EPS15L1: variants seen among roughly 807,000 people sequenced by gnomAD.
EPS15L1 encodes epidermal growth factor receptor pathway substrate 15 like 1, also known as epidermal growth factor receptor substrate 15-like 1.
In EPS15L1, 43 loss-of-function variants were observed where a neutral mutation model predicts 117.1. The observed-to-expected ratio is 0.37, with a 90% CI of 0.29 to 0.47. The LOEUF (loss-of-function observed/expected upper bound fraction) is 0.47. Ranked by LOEUF, EPS15L1 falls within the 20% of genes least tolerant of loss-of-function variation. The pLI, the probability that EPS15L1 is intolerant of heterozygous loss-of-function variation, is 0.99. For synonymous variants in EPS15L1, 459 were observed against 470.5 expected (o/e 0.98, Z 0.32); for missense variants, 981 against 1,164.0 (o/e 0.84, Z 2.29).
intron 16 of EPS15L1, chr19:16,402,033 T>G: frequency 8.6e-7 from 1 of 1,160,756 alleles, no homozygotes. Flanking sequence ...ACTTGGGTGG[T>G]TGGCCCAATG....
chr19:16,432,404 T>C (rs1044449313), intron 7 of EPS15L1, among the ~76,000 whole-genome samples: 13 of 152,028 alleles, frequency 8.6e-5, no homozygotes, highest in African/African-American at 2.2e-4. Context: ...CCATCTCTAC[T>C]AAAAATATGA....
At chr19:16,451,210 C>T (rs2093138938) in intron 1 of EPS15L1, among the ~76,000 whole-genome samples, 1 of 152,176 alleles carries the variant, frequency 6.6e-6, no homozygotes, top group African/African-American at 2.4e-5. Flanking sequence ...CTCGGCCTCC[C>T]AAAGTGCTGG....
intron 1 of EPS15L1, among the ~76,000 whole-genome samples, chr19:16,460,764 T>A (rs1452266250): frequency 2.0e-5 from 3 of 152,146 alleles, no homozygotes; most frequent in Non-Finnish European, 4.4e-5. Flanking sequence ...TGCAAGAACA[T>A]GCGCCTAGGC....
Position 16,434,428 on chromosome 19 carries a change from G to A in EPS15L1, c.435C>T (p.Leu145=), listed in dbSNP as rs757790767. Residue 145 remains leucine, a synonymous_variant, in exon 7 of 24, where the codon CTC becomes CTT. Transcript: ENST00000455140. The part of the protein sequence containing the change: ...FESLLPINGL[L]SGDKVKPVLM... ...GGACTGGCTTGACTTTGTCTCCAGA[G>A]AGCAAACCATTGATGGGCAAGAGGC... 28 of 1,614,212 alleles carry A rather than the reference G, an allele frequency of 1.7e-5. No homozygotes were observed. Among genetic ancestry groups the A allele is most frequent in the South Asian group, 1.5e-4 (14 of 91,090 alleles).
intron 1 of EPS15L1, among the ~76,000 whole-genome samples, chr19:16,457,151 T>G (rs573670092): frequency 3.9e-5 from 6 of 152,214 alleles, no homozygotes; most frequent in African/African-American, 1.4e-4. Flanking sequence ...AAGGAGGACA[T>G]GCCAGTTCCC....
intron 16 of EPS15L1, chr19:16,401,060 C>T (rs1303471014): frequency 4.3e-5 from 42 of 985,208 alleles, no homozygotes; most frequent in South Asian, 3.3e-4. Flanking sequence ...TCTGGCTTCT[C>T]GTAACTCATG....
intron 7 of EPS15L1, among the ~76,000 whole-genome samples, chr19:16,429,693 T>A (rs541519168): frequency 6.6e-6 from 1 of 152,256 alleles, no homozygotes; most frequent in African/African-American, 2.4e-5. Context: ...GCCTGGCAGA[T>A]GGGGCCCTGT....
Position 16,395,417 on chromosome 19 carries a change from C to A in EPS15L1, c.1842G>T (p.Glu614Asp). 6.2e-7 allele frequency: 1 copy of A among 1,613,852 alleles called. No individual in the cohort carries two copies. The highest frequency in any genetic ancestry group is 1.1e-5 in the South Asian group (1 of 91,074). ...CTGTCTGGAAAGGATCCGGATGCAACTCTTGCGTGTTGTTGCTAAATAACA... is the reference window on the plus strand; with the variant it reads ...CTGTCTGGAAAGGATCCGGATGCAAATCTTGCGTGTTGTTGCTAAATAACA... ...KALLFSNNTQ[E>D]LHPDPFQTED... The change falls in exon 17 of 24, where the codon GAG becomes GAT. Residue 614 changes from glutamate to aspartate, a missense_variant. Glu to Asp is a conservative substitution (Grantham distance 45). Transcript: ENST00000455140.
At chr19:16,448,231 T>C (rs2093103453) in intron 1 of EPS15L1, among the ~76,000 whole-genome samples, 1 of 152,116 alleles carries the variant, frequency 6.6e-6, no homozygotes. Flanking sequence ...ATGTTTGCAC[T>C]GTGAAAGAGC....
At chr19:16,412,081 G>T (rs922333065) in intron 13 of EPS15L1, among the ~76,000 whole-genome samples, 6 of 151,982 alleles carry the variant, frequency 3.9e-5, no homozygotes, top group African/African-American at 1.5e-4. Context: ...ATATTGTATT[G>T]TTTCATCAAT....
intron 1 of EPS15L1, among the ~76,000 whole-genome samples, chr19:16,450,346 G>A (rs2093127625): frequency 6.6e-6 from 1 of 151,378 alleles, no homozygotes; most frequent in South Asian, 2.1e-4. Context: ...ACTCTCAGGG[G>A]TGGTTCTATT....
At chr19:16,437,099 A>G (rs777318672) in intron 5 of EPS15L1, 100 bp from the exon 6 acceptor site, 2 of 1,016,244 alleles carry the variant, frequency 2.0e-6, no homozygotes, top group Non-Finnish European at 3.1e-6. Context: ...TGCTTTCAAA[A>G]AAGGGAAGAC....
Position 16,471,969 on chromosome 19 carries a change from G to A in EPS15L1, c.-24C>T. 1 of 1,280,056 alleles carries A rather than the reference G, an allele frequency of 7.8e-7. No homozygotes were observed. The highest frequency in any genetic ancestry group is 9.9e-7 in the Non-Finnish European group (1 of 1,014,818). 79.3% of individuals were successfully genotyped at this position (1,280,056 alleles called of 1,614,324 possible). ...ATCTTCCCGCGGACTCGGGCTCCGA[G>A]CGCCGGGGGAACGGGGGCGGGGCTG... is the stretch of plus-strand genomic sequence containing the variant. On this transcript the variant is annotated 5_prime_UTR_variant, in exon 1 of 24. Coordinates refer to ENST00000455140, the MANE Select transcript of EPS15L1 (RefSeq NM_001258374.3). The surrounding 1 kb of genome is among the most constrained non-coding windows in gnomAD (Gnocchi z 4.8).
At chr19:16,427,889 G>A (rs543152572) in intron 8 of EPS15L1, among the ~76,000 whole-genome samples, 2 of 148,666 alleles carry the variant, frequency 1.3e-5, no homozygotes, top group East Asian at 2.0e-4. Flanking sequence ...GCAAGACTCC[G>A]TGTCAAAAAA....
chr19:16,456,543 G>T (rs955523674), intron 1 of EPS15L1, among the ~76,000 whole-genome samples: 1 of 152,038 alleles, frequency 6.6e-6, no homozygotes, highest in South Asian at 2.1e-4. Context: ...TGTAATCTCA[G>T]CTACTTGGGA....
In EPS15L1 at chr19:16,408,111, G is replaced by C. The variant is rs138732804; in HGVS notation, c.1267-3362C>G. ...CGGATGGGGTAGCTCTGGACACCAG[G>C]TAACAACAGTGTGGAACTGAAGGAA... On this transcript the variant is annotated intron_variant, in intron 13 of 23. Transcript: ENST00000455140. Among the ~76,000 whole-genome samples, 1,391 of 152,196 alleles carry C rather than the reference G, an allele frequency of 9.1e-3. 77 individuals carry two copies. Among genetic ancestry groups the C allele is most frequent in the Admixed American group, 0.079 (1,212 of 15,286 alleles).
chr19:16,440,718 G>A (rs1409094712), intron 4 of EPS15L1, 144 bp downstream of exon 4: 2 of 634,810 alleles, frequency 3.2e-6, no homozygotes, highest in East Asian at 5.4e-5. Context: ...ATTTCAAAAT[G>A]AAAACTTCCC....
chr19:16,401,009 AAC>A (rs1299925385), intron 16 of EPS15L1: 1 of 985,338 alleles, frequency 1.0e-6, no homozygotes, highest in African/African-American at 1.7e-5. Flanking sequence ...GTGAGACGGA[AAC>A]ACACACGCCA....
chr19:16,374,114 C>T, intron 22 of EPS15L1, among the ~76,000 whole-genome samples: 1 of 152,304 alleles, frequency 6.6e-6, no homozygotes, highest in East Asian at 1.9e-4. Context: ...GGGCAGGAGG[C>T]AGGTCACTGG....
Sources: allele counts gnomAD v4.1 joint callset (sites outside exome capture counted in the v4.1 genomes callset), GRCh38; gene constraint gnomAD v4.1.1; non-coding constraint Gnocchi (gnomAD v3.1); transcripts MANE v1.5; gene names NCBI Gene and HGNC (gene_info 2026-07-23, HGNC 2026-07-21).